MEIS1: variants seen among roughly 807,000 people sequenced by gnomAD.
MEIS1 encodes Meis homeobox 1.
Under a neutral mutation model 50.8 loss-of-function variants are expected in MEIS1, and 5 were observed. That is an observed-to-expected ratio of 0.10 (90% confidence interval 0.05 to 0.21). The LOEUF is 0.21. Ranked by LOEUF, MEIS1 falls within the 10% of genes least tolerant of loss-of-function variation. The pLI, the probability that MEIS1 is intolerant of heterozygous loss-of-function variation, is 1.00. For missense variants in MEIS1, 318 were observed against 517.3 expected, an observed-to-expected ratio of 0.61 and a Z score of 3.74; for synonymous variants, 176 against 179.3, an observed-to-expected ratio of 0.98 and a Z score of 0.15.
intron 8 of MEIS1, 140 bp from the exon 9 acceptor site, chr2:66,547,803 G>A (rs1674827008): frequency 1.4e-6 from 1 of 711,982 alleles, no homozygotes; most frequent in African/African-American, 1.8e-5. Context: ...CCATTAATTA[G>A]ATGATGTAGT....
At chr2:66,539,030 G>A (rs1243922223) in intron 8 of MEIS1, among the ~76,000 whole-genome samples, 1 of 152,190 alleles carries the variant, frequency 6.6e-6, no homozygotes, top group African/African-American at 2.4e-5. Flanking sequence ...TGGGACCACA[G>A]GCGTGTGCCA....
intron 6 of MEIS1, among the ~76,000 whole-genome samples, chr2:66,449,241 A>T (rs2103707732): frequency 6.6e-6 from 1 of 152,244 alleles, no homozygotes; most frequent in Non-Finnish European, 1.5e-5. Flanking sequence ...CTAAGCAGGA[A>T]ATATCAGAAT....
intron 9 of MEIS1, among the ~76,000 whole-genome samples, chr2:66,552,907 A>G (rs1674955626): frequency 6.6e-6 from 1 of 152,208 alleles, no homozygotes; most frequent in South Asian, 2.1e-4. Context: ...ATAGGGTTTC[A>G]TAGAATTGTT....
chr2:66,459,815 T>A (rs1672478279), intron 6 of MEIS1, among the ~76,000 whole-genome samples: 1 of 151,836 alleles, frequency 6.6e-6, no homozygotes, highest in Non-Finnish European at 1.5e-5. Context: ...AGACAAAGAG[T>A]TTAGCTTTGG....
Position 66,486,698 on chromosome 2 carries a change from C to T in MEIS1, c.742+22478C>T, listed in dbSNP as rs565189998. On this transcript the variant is annotated intron_variant, in intron 7 of 12. Transcript: ENST00000272369. Reference sequence around the variant, plus strand: ...TATAAATTACTTTGGGCAGTATGGCCATATTCACGATATTGATTCTTCCTA... The same window carrying T: ...TATAAATTACTTTGGGCAGTATGGCTATATTCACGATATTGATTCTTCCTA... Among the ~76,000 whole-genome samples, 23 of 152,266 alleles carry T rather than the reference C, an allele frequency of 1.5e-4. No homozygotes were observed. The Middle Eastern group carries it at 0.017, about 113-fold the overall frequency.
At chr2:66,514,217 G>A (rs76835318) in intron 8 of MEIS1, among the ~76,000 whole-genome samples, 2,540 of 152,194 alleles carry the variant, frequency 0.017, 72 homozygotes, top group African/African-American at 0.058. Flanking sequence ...ATCAAATATT[G>A]GTTCAGACAG....
intron 7 of MEIS1, among the ~76,000 whole-genome samples, chr2:66,469,139 C>G (rs1475097642): frequency 6.6e-6 from 1 of 151,798 alleles, no homozygotes; most frequent in African/African-American, 2.4e-5. Flanking sequence ...CTAAAACCCA[C>G]TTATGAACTT....
intron 10 of MEIS1, 107 bp downstream of exon 10, chr2:66,567,618 G>A: frequency 2.1e-6 from 2 of 964,158 alleles, no homozygotes; most frequent in Non-Finnish European, 1.6e-6. Flanking sequence ...GTGAGTATAG[G>A]AACGCCTGGC....
At chr2:66,468,147 A>T (rs1285491707) in intron 7 of MEIS1, among the ~76,000 whole-genome samples, 1 of 152,090 alleles carries the variant, frequency 6.6e-6, no homozygotes, top group African/African-American at 2.4e-5. Flanking sequence ...GTAGTGTCTC[A>T]TAGGTACGGG....
chr2:66,489,215 T>C (rs1358199279), intron 7 of MEIS1, among the ~76,000 whole-genome samples: 2 of 152,216 alleles, frequency 1.3e-5, no homozygotes, highest in African/African-American at 4.8e-5. Flanking sequence ...AATGCATTTT[T>C]AGCACCAAGG....
intron 8 of MEIS1, among the ~76,000 whole-genome samples, chr2:66,517,764 A>C (rs1039537540): frequency 3.3e-5 from 5 of 151,592 alleles, no homozygotes; most frequent in Admixed American, 2.0e-4. Flanking sequence ...TTTTTCTGTG[A>C]TATACATCAT....
Position 66,573,178 on chromosome 2 carries a change from C to G in MEIS1, c.*1970C>G, listed in dbSNP as rs776909423. ...AAAATCTAATTTTTATAAATATGCT[C>G]TATGTTCTCATTGGATAAAACTGGT... On this transcript the variant is annotated 3_prime_UTR_variant, in exon 13 of 13. Transcript: ENST00000272369. 6 of 152,126 alleles carry G rather than the reference C, an allele frequency of 3.9e-5. No homozygotes were observed. Among genetic ancestry groups the G allele is most frequent in the Non-Finnish European group, 7.3e-5 (5 of 68,036 alleles). 9.4% of individuals were successfully genotyped at this position (152,126 alleles called of 1,614,324 possible).
chr2:66,559,654 A>T (rs1675162816), intron 9 of MEIS1, among the ~76,000 whole-genome samples: 1 of 152,170 alleles, frequency 6.6e-6, no homozygotes, highest in African/African-American at 2.4e-5. Flanking sequence ...TTGCTATATT[A>T]TCCTAGATCA....
chr2:66,507,820 A>G (rs1673721098), intron 7 of MEIS1, among the ~76,000 whole-genome samples: 1 of 152,252 alleles, frequency 6.6e-6, no homozygotes, highest in African/African-American at 2.4e-5. Flanking sequence ...ATGCCTGGGC[A>G]TGCTTAAATA....
At chr2:66,468,577 G>C (rs1484060684) in intron 7 of MEIS1, among the ~76,000 whole-genome samples, 2 of 152,204 alleles carry the variant, frequency 1.3e-5, no homozygotes, top group African/African-American at 4.8e-5. Flanking sequence ...ACCGGCTGGT[G>C]CTCAAGCCGG....
At chr2:66,482,757 T>A (rs918518156) in intron 7 of MEIS1, among the ~76,000 whole-genome samples, 1 of 152,196 alleles carries the variant, frequency 6.6e-6, no homozygotes, top group Non-Finnish European at 1.5e-5. Context: ...TACCCCTGAA[T>A]TGAGAACTGT....
intron 7 of MEIS1, among the ~76,000 whole-genome samples, chr2:66,506,534 G>T (rs185748889): frequency 6.6e-6 from 1 of 152,106 alleles, no homozygotes; most frequent in Non-Finnish European, 1.5e-5. Flanking sequence ...GAGAGAGATC[G>T]TGAAAGGCCT....
chr2:66,546,703 C>A (rs1322042684), intron 8 of MEIS1, among the ~76,000 whole-genome samples: 1 of 152,124 alleles, frequency 6.6e-6, no homozygotes. Context: ...AAAGCAAAGC[C>A]TTATTCTAAT....
At chr2:66,481,855 T>C (rs1051597345) in intron 7 of MEIS1, among the ~76,000 whole-genome samples, 4 of 144,298 alleles carry the variant, frequency 2.8e-5, no homozygotes, top group Admixed American at 6.9e-5. Flanking sequence ...TATTTCTTTT[T>C]TTTTTTTTTT....
Sources: allele counts gnomAD v4.1 joint callset (sites outside exome capture counted in the v4.1 genomes callset), GRCh38; gene constraint gnomAD v4.1.1; transcripts MANE v1.5; gene names NCBI Gene and HGNC (gene_info 2026-07-23, HGNC 2026-07-21).